Variants in FBH1 observed in about 807,000 individuals in gnomAD.
FBH1 encodes the protein F-box DNA helicase 1.
A neutral mutation model predicts 115.5 loss-of-function variants in FBH1; 43 were observed. That is an observed-to-expected ratio of 0.37 (90% CI 0.29 to 0.48). The LOEUF (loss-of-function observed/expected upper bound fraction) is 0.48. Ranked by LOEUF, FBH1 falls within the 20% of genes least tolerant of loss-of-function variation. FBH1 has a pLI of 0.99. For synonymous variants in FBH1, 524 were observed against 507.8 expected, an observed-to-expected ratio of 1.03 and a Z score of -0.43; for missense variants, 1,001 against 1,337.3, an observed-to-expected ratio of 0.75 and a Z score of 3.92.
Position 5,895,902 on chromosome 10 carries a change from A to G in FBH1, c.1+5556A>G, listed in dbSNP as rs1301716466. 6.6e-6 allele frequency among the ~76,000 whole-genome samples: 1 copy of G among 152,210 alleles called. No individual in the cohort carries two copies. Among genetic ancestry groups the G allele is most frequent in the Non-Finnish European group, 1.5e-5 (1 of 68,042 alleles). The stretch of plus-strand genomic sequence containing the variant: ...CCACCTGCACGCAGGACTGGGAAGT[A>G]TAGCCCAGCTGTGTGCTCAGGGAGA... On this transcript the variant is annotated intron_variant, in intron 1 of 20. Coordinates refer to ENST00000362091, the MANE Select transcript of FBH1 (RefSeq NM_178150.3). This position sits in a 1 kb window ranked among gnomAD's most constrained non-coding sequence, Gnocchi z 5.0.
intron 13 of FBH1, among the ~76,000 whole-genome samples, chr10:5,920,501 A>C (rs977602798): frequency 1.3e-5 from 2 of 152,236 alleles, no homozygotes; most frequent in Non-Finnish European, 2.9e-5. Context: ...TCTTCTGTAA[A>C]GGAGATTTGT....
At chr10:5,928,720 G>A (rs188362752) in intron 19 of FBH1, 3 of 152,196 alleles carry the variant, frequency 2.0e-5, no homozygotes, top group Admixed American at 2.0e-4. Context: ...CTAAACAGCT[G>A]GAGTATAAAC....
chr10:5,889,975 G>C (rs1197030273), upstream of FBH1: 3 of 202,602 alleles, frequency 1.5e-5, no homozygotes, highest in African/African-American at 4.7e-5. Context: ...GCGGGGACTC[G>C]GGGAGCTCGA....
In FBH1 at chr10:5,915,326, G is replaced by A; in HGVS notation, c.1397-77G>A. The A allele has an allele frequency of 2.0e-6, 3 of 1,504,516 alleles. No homozygotes were observed. In the Admixed American group the frequency reaches 5.5e-5, roughly 28 times the overall value. 93.2% of individuals were successfully genotyped at this position (1,504,516 alleles called of 1,614,324 possible). A position where few individuals can be genotyped will look rare whatever the true frequency, so the allele number is the denominator to read the frequency against. ...TCAAGACAGAGGTGTGATAAGCCTG[G>A]ACAAGGCCTGATTGGGGATCCCTGG... is the stretch of plus-strand genomic sequence containing the variant. On this transcript the variant is annotated intron_variant, in intron 8 of 20. Transcript: ENST00000362091. This position sits in a 1 kb window ranked among gnomAD's most constrained non-coding sequence, Gnocchi z 5.2.
At position 5,900,130 on chromosome 10, in the gene FBH1, T is replaced by TA. The variant is rs1406356474; in HGVS notation, c.2-2889dup. On this transcript the variant is annotated intron_variant, in intron 1 of 20. Transcript: ENST00000362091. This position sits in a 1 kb window ranked among gnomAD's most constrained non-coding sequence, Gnocchi z 4.2. ...GAATTGGCTGTATTTGGGCTGCTAA[T>TA]ACACTTCCTGCTTTGCCATTAGGTG... 6.6e-6 allele frequency among the ~76,000 whole-genome samples: 1 copy of TA among 152,254 alleles called. No individual in the cohort carries two copies. The highest frequency in any genetic ancestry group is 1.5e-5 in the Non-Finnish European group (1 of 68,036).
Position 5,897,370 on chromosome 10 carries a change from AGAGGAGGTGGACACAGGGCTCCTGCG to A in FBH1, c.2-5625_2-5600del, listed in dbSNP as rs202046021. Among the ~76,000 whole-genome samples, 765 of 152,230 alleles carry A rather than the reference AGAGGAGGTGGACACAGGGCTCCTGCG, an allele frequency of 5.0e-3. 3 individuals carry two copies. The highest frequency in any genetic ancestry group is 0.014 in the South Asian group (69 of 4,820). ...CATTAAGTGTAAAGCGTGTAATTGC[AGAGGAGGTGGACACAGGGCTCCTGCG>A]GAGGAGGTGGACACAGGGCTCCTGG... On this transcript the variant is annotated intron_variant, in intron 1 of 20. Coordinates refer to ENST00000362091, the MANE Select transcript of FBH1 (RefSeq NM_178150.3). The surrounding 1 kb of genome is among the most constrained non-coding windows in gnomAD (Gnocchi z 4.7).
chr10:5,893,420 A>G (rs192693712), intron 1 of FBH1, among the ~76,000 whole-genome samples: 1 of 152,264 alleles, frequency 6.6e-6, no homozygotes, highest in African/African-American at 2.4e-5. Flanking sequence ...ATGTGTAAGG[A>G]CCTTTGTAGT....
chr10:5,896,341 A>G (rs1399457509), intron 1 of FBH1, among the ~76,000 whole-genome samples: 2 of 152,104 alleles, frequency 1.3e-5, no homozygotes, highest in East Asian at 3.9e-4. Context: ...GACCACTTCA[A>G]AGTCAGCAAA....
Position 5,894,487 on chromosome 10 carries a change from C to T in FBH1, c.1+4141C>T, listed in dbSNP as rs371501446. On this transcript the variant is annotated intron_variant, in intron 1 of 20. Transcript: ENST00000362091. Reference sequence around the variant, plus strand: ...CCGGGTTCTTGTGTTGGCACCATCACTCATGAGCTACGAGGTGACTTCAGG... The same window carrying T: ...CCGGGTTCTTGTGTTGGCACCATCATTCATGAGCTACGAGGTGACTTCAGG... The T allele has an allele frequency of 4.3e-6, 5 of 1,162,850 alleles. No individual in the cohort carries two copies. In the South Asian group the frequency reaches 6.1e-5, roughly 14 times the overall value. The allele number at this position is 1,162,850 out of a possible 1,614,324, so 72.0% of individuals were successfully genotyped here. A position where few individuals can be genotyped will look rare whatever the true frequency, so the allele number is the denominator to read the frequency against.
At position 5,921,166 on chromosome 10, in the gene FBH1, G is replaced by A. The variant is rs954518565; in HGVS notation, c.2101-92G>A. 5.9e-5 allele frequency: 74 copies of A among 1,250,468 alleles called. No homozygotes were observed. The highest frequency in any genetic ancestry group is 4.0e-5 in the Non-Finnish European group (35 of 868,862). 77.5% of individuals were successfully genotyped at this position (1,250,468 alleles called of 1,614,324 possible). A position where few individuals can be genotyped will look rare whatever the true frequency, so the allele number is the denominator to read the frequency against. On this transcript the variant is annotated intron_variant, in intron 13 of 20. Coordinates refer to ENST00000362091, the MANE Select transcript of FBH1 (RefSeq NM_178150.3). The surrounding 1 kb of genome is among the most constrained non-coding windows in gnomAD (Gnocchi z 6.4). ...CGGGGGGTCAGGAACAACTTGTAGG[G>A]TCTGGCCCGGCCAGGCTGTGGCAGC...
rs982543285 is a variant in FBH1, at chr10:5,906,668, A to C, written c.753+36A>C. ...GCTGGAGTCGGGAGATGTTTCCTCTAAAAGCACGTAACTTTGCTTAATGCA... is the reference window on the plus strand; with the variant it reads ...GCTGGAGTCGGGAGATGTTTCCTCTCAAAGCACGTAACTTTGCTTAATGCA... On this transcript the variant is annotated intron_variant, in intron 3 of 20. Coordinates refer to ENST00000362091, the MANE Select transcript of FBH1 (RefSeq NM_178150.3). The surrounding 1 kb of genome is among the most constrained non-coding windows in gnomAD (Gnocchi z 7.3). The C allele has an allele frequency of 2.6e-6, 4 of 1,524,794 alleles. No individual in the cohort carries two copies. Among genetic ancestry groups the C allele is most frequent in the Non-Finnish European group, 3.6e-6 (4 of 1,123,260 alleles). The allele number at this position is 1,524,794 out of a possible 1,614,324, so 94.5% of individuals were successfully genotyped here.
At position 5,937,230 on chromosome 10, in the gene FBH1, G is replaced by A. The variant is rs1184081697; in HGVS notation, c.3082G>A (p.Glu1028Lys). 2.5e-6 allele frequency: 4 copies of A among 1,613,484 alleles called. No individual in the cohort carries two copies. The highest frequency in any genetic ancestry group is 3.4e-6 in the Non-Finnish European group (4 of 1,179,722). ...EQVRAMERTV[E>K]NIVLPRHEAL... ...GGTGCGCGCCATGGAGCGCACTGTG[G>A]AGAACATCGTACTGCCCCGGCATGA... The change falls in exon 21 of 21, where the codon GAG becomes AAG. Residue 1028 changes from glutamate to lysine, a missense_variant. Physicochemically the swap from Glu to Lys is moderately conservative, Grantham distance 56 (BLOSUM62 1). Coordinates refer to ENST00000362091, the MANE Select transcript of FBH1 (RefSeq NM_178150.3).
chr10:5,904,363 C>A (rs61834460), intron 2 of FBH1, among the ~76,000 whole-genome samples: 3,191 of 152,290 alleles, frequency 0.021, 50 homozygotes, highest in Non-Finnish European at 0.034. Flanking sequence ...ATGTTTCCTG[C>A]TGTGGGAACT....
chr10:5,906,598 G>GAA lies in FBH1; in HGVS notation c.719_720insAA (p.Cys240Ter). ...CTCTATTGGAACCTGAGCTTGGTGTGCCACTTGTGGAGGGAGATCATCAGT... is the reference window on the plus strand; with the variant it reads ...CTCTATTGGAACCTGAGCTTGGTGTGAACCACTTGTGGAGGGAGATCATCAGT... ...EDLYWNLSLV[C>*]HLWREIISDP... Residue 240 changes from cysteine (C) to a stop codon, truncating the protein, a stop_gained and frameshift_variant, in exon 3 of 21, where the codon TGC becomes TGAAC. Coordinates refer to ENST00000362091, the MANE Select transcript of FBH1 (RefSeq NM_178150.3). LOFTEE classifies it high-confidence loss of function. The surrounding 1 kb of genome is among the most constrained non-coding windows in gnomAD (Gnocchi z 7.3). The GAA allele has an allele frequency of 6.2e-7, 1 of 1,611,422 alleles. No homozygotes were observed.
chr10:5,894,913 A>G (rs1842924536), intron 1 of FBH1: 1 of 846,172 alleles, frequency 1.2e-6, no homozygotes, highest in Non-Finnish European at 1.8e-6. Context: ...ACACTTACAC[A>G]AAGAATTGTT....
At chr10:5,916,531 G>A in intron 10 of FBH1, 75 bp downstream of exon 10, 1 of 1,348,480 alleles carries the variant, frequency 7.4e-7, no homozygotes, top group Non-Finnish European at 1.0e-6. Context: ...ATCTGAGGAT[G>A]GGGAAACAGG....
Position 5,909,878 on chromosome 10 carries a change from T to C in FBH1, c.1020+584T>C, listed in dbSNP as rs1831453259. The stretch of plus-strand genomic sequence containing the variant: ...TTTCTGTTTCTCTTGAAGAAGATGA[T>C]TGCTGATGGTGGTGGAGTGGGTCTT... On this transcript the variant is annotated intron_variant, in intron 5 of 20. Transcript: ENST00000362091. This position sits in a 1 kb window ranked among gnomAD's most constrained non-coding sequence, Gnocchi z 4.4. Among the ~76,000 whole-genome samples, 1 of 152,192 alleles carries C rather than the reference T, an allele frequency of 6.6e-6. No homozygotes were observed. The highest frequency in any genetic ancestry group is 2.4e-5 in the African/African-American group (1 of 41,458).
chr10:5,920,396 A>T (rs184452296), intron 13 of FBH1, among the ~76,000 whole-genome samples: 49 of 152,124 alleles, frequency 3.2e-4, no homozygotes, highest in Admixed American at 5.2e-4. Flanking sequence ...ACTTTTTTTC[A>T]TCCTTTCCTT....
intron 15 of FBH1, among the ~76,000 whole-genome samples, chr10:5,922,794 G>A (rs1034681867): frequency 1.2e-4 from 18 of 152,194 alleles, no homozygotes; most frequent in African/African-American, 4.1e-4. Flanking sequence ...AGATGCTTTT[G>A]GAAGATCTGA....
Sources: gnomAD v4.1 joint callset for allele counts (sites outside exome capture counted in the v4.1 genomes callset) on GRCh38, gnomAD v4.1.1 for gene constraint, Gnocchi (gnomAD v3.1) non-coding constraint, MANE v1.5 for transcripts, NCBI Gene and HGNC (gene_info 2026-07-23, HGNC 2026-07-21) for gene names.